HPSE2: variants seen among roughly 807,000 people sequenced by gnomAD.
The protein encoded by HPSE2 is inactive heparanase-2.
Under a neutral mutation model 60.5 loss-of-function variants are expected in HPSE2, and 38 were observed. The ratio of observed to expected loss-of-function variants is 0.63; its 90% CI spans 0.48 to 0.82. The LOEUF (loss-of-function observed/expected upper bound fraction) is 0.82. Among genes scored for constraint, HPSE2 ranks in the 40% least tolerant of loss-of-function variants. The pLI is 0.00. For synonymous variants in HPSE2, 295 were observed against 293.2 expected (o/e 1.01, Z -0.06); for missense variants, 713 against 740.4 (o/e 0.96, Z 0.43).
At chr10:99,210,386 T>C (rs1284860617) in intron 2 of HPSE2, among the ~76,000 whole-genome samples, 1 of 152,164 alleles carries the variant, frequency 6.6e-6, no homozygotes, top group Non-Finnish European at 1.5e-5. Context: ...TTCCAAAAAA[T>C]TGAAGAAGAG....
chr10:98,750,079 G>C (rs534988039), intron 3 of HPSE2, among the ~76,000 whole-genome samples: 2 of 151,890 alleles, frequency 1.3e-5, no homozygotes, highest in East Asian at 3.9e-4. Context: ...AGAACCAATA[G>C]TAGCTAGTAT....
Position 98,663,253 on chromosome 10 carries a change from G to A in HPSE2, c.1005-21313C>T, listed in dbSNP as rs937668562. ...CACTGTTCTAGGTACTTGGGATAGA[G>A]CAGTGAATAAGAGACATGGAACTTA... On this transcript the variant is annotated intron_variant, in intron 6 of 11. Transcript: ENST00000370552. Among the ~76,000 whole-genome samples the A allele has an allele frequency of 2.0e-5, 3 of 152,106 alleles. No individual in the cohort carries two copies. In the East Asian group the frequency reaches 5.8e-4, roughly 29 times the overall value.
At chr10:98,542,872 G>C (rs1468717244) in intron 9 of HPSE2, among the ~76,000 whole-genome samples, 1 of 152,110 alleles carries the variant, frequency 6.6e-6, no homozygotes, top group Non-Finnish European at 1.5e-5. Context: ...TGAAAGTGAC[G>C]GGGAGAATGG....
At chr10:98,522,906 T>A (rs1290018292) in intron 9 of HPSE2, among the ~76,000 whole-genome samples, 1 of 152,182 alleles carries the variant, frequency 6.6e-6, no homozygotes, top group East Asian at 1.9e-4. Flanking sequence ...GGTAACTAAC[T>A]GGCAAGCCCA....
At chr10:99,251,862 CAAAAAAAA>C in the HPSE2 span, among the ~76,000 whole-genome samples, 245 of 57,288 alleles carry the variant, frequency 4.3e-3, 2 homozygotes, top group African/African-American at 0.014. Flanking sequence ...CTCTCTCTAC[CAAAAAAAA>C]AAAAAAAAAA....
At chr10:99,006,439 C>T (rs1956895227) in intron 3 of HPSE2, among the ~76,000 whole-genome samples, 1 of 152,168 alleles carries the variant, frequency 6.6e-6, no homozygotes, top group South Asian at 2.1e-4. Context: ...TATCTGATGC[C>T]AGAGGCTATG....
intron 3 of HPSE2, among the ~76,000 whole-genome samples, chr10:99,039,675 A>C (rs939581748): frequency 1.3e-5 from 2 of 152,078 alleles, no homozygotes; most frequent in Admixed American, 6.6e-5. Context: ...CTATCGGTGT[A>C]ATCATAGAAA....
rs1564832561 is a variant in HPSE2, at chr10:99,132,179, AAG to A, written c.610+12057_610+12058del. Among the ~76,000 whole-genome samples, 53 of 14,134 alleles carry A rather than the reference AAG, an allele frequency of 3.7e-3. 3 individuals carry two copies. The East Asian group carries it at 0.047, about 13-fold the overall frequency. 9.3% of individuals were successfully genotyped at this position (14,134 alleles called of 152,430 possible). A position where few individuals can be genotyped will look rare whatever the true frequency, so the allele number is the denominator to read the frequency against. On this transcript the variant is annotated intron_variant, in intron 3 of 11. Coordinates refer to ENST00000370552, the MANE Select transcript of HPSE2 (RefSeq NM_021828.5). The stretch of plus-strand genomic sequence containing the variant: ...AAAGAAAGAAAGAAAGAAAGAAAGA[AAG>A]AAAGAAAGAAAGAGAGAGAGAGAGA...
intron 7 of HPSE2, among the ~76,000 whole-genome samples, chr10:98,624,682 A>T (rs190254129): frequency 6.6e-6 from 1 of 152,342 alleles, no homozygotes; most frequent in African/African-American, 2.4e-5. Flanking sequence ...ATGATATACA[A>T]ATTAAAGTTT....
At chr10:98,770,050 A>G (rs1260137287) in intron 3 of HPSE2, among the ~76,000 whole-genome samples, 7 of 152,210 alleles carry the variant, frequency 4.6e-5, no homozygotes, top group Non-Finnish European at 1.5e-5. Flanking sequence ...GTAATAGGGC[A>G]CGCACTTGGT....
intron 9 of HPSE2, among the ~76,000 whole-genome samples, chr10:98,542,552 C>A (rs1224394755): frequency 6.6e-6 from 1 of 151,838 alleles, no homozygotes; most frequent in Non-Finnish European, 1.5e-5. Context: ...GACATTCAAA[C>A]CAAAGGCAAA....
chr10:99,262,080 G>C, the HPSE2 span, among the ~76,000 whole-genome samples: 1 of 152,138 alleles, frequency 6.6e-6, no homozygotes, highest in Non-Finnish European at 1.5e-5. Flanking sequence ...CTGCCCGATC[G>C]CCTCGGAAGC....
chr10:98,707,894 G>A (rs989662188), intron 5 of HPSE2, among the ~76,000 whole-genome samples: 1 of 152,076 alleles, frequency 6.6e-6, no homozygotes, highest in Non-Finnish European at 1.5e-5. Flanking sequence ...TAATGAAGGG[G>A]CATTTATTGG....
At chr10:98,810,764 A>AAT (rs1806315029) in intron 3 of HPSE2, among the ~76,000 whole-genome samples, 2 of 151,776 alleles carry the variant, frequency 1.3e-5, no homozygotes, top group African/African-American at 4.8e-5. Context: ...AACTAAAAAA[A>AAT]AAAAATAAAA....
At chr10:98,551,090 G>A (rs1015715399) in intron 9 of HPSE2, among the ~76,000 whole-genome samples, 1 of 152,152 alleles carries the variant, frequency 6.6e-6, no homozygotes, top group African/African-American at 2.4e-5. Context: ...GTGAGGGGGT[G>A]GGAAAGGGGA....
chr10:99,148,988 C>T (rs1846160976), intron 2 of HPSE2, among the ~76,000 whole-genome samples: 1 of 151,766 alleles, frequency 6.6e-6, no homozygotes, highest in Non-Finnish European at 1.5e-5. Context: ...TGCATGTAAC[C>T]AAACACCACC....
chr10:98,631,015 T>C (rs1260136179), intron 7 of HPSE2, among the ~76,000 whole-genome samples: 2 of 152,242 alleles, frequency 1.3e-5, no homozygotes, highest in Non-Finnish European at 2.9e-5. Flanking sequence ...GTCATTCCAG[T>C]ATCTCATCAC....
chr10:99,265,838 C>T, the HPSE2 span, among the ~76,000 whole-genome samples: 1 of 152,186 alleles, frequency 6.6e-6, no homozygotes, highest in Non-Finnish European at 1.5e-5. Context: ...GGGGATTGTC[C>T]ACGCCCAAAC....
chr10:98,599,771 C>T (rs182324840), intron 9 of HPSE2, among the ~76,000 whole-genome samples: 73 of 152,286 alleles, frequency 4.8e-4, no homozygotes, highest in Admixed American at 1.6e-3. Flanking sequence ...TAATATTTCA[C>T]CTGGCTTCCT....
Sources: allele counts gnomAD v4.1 joint callset (sites outside exome capture counted in the v4.1 genomes callset), GRCh38; gene constraint gnomAD v4.1.1; transcripts MANE v1.5; gene names NCBI Gene and HGNC (gene_info 2026-07-23, HGNC 2026-07-21).